DLGAP1: variants seen among roughly 807,000 people sequenced by gnomAD.
DLGAP1 encodes the protein DLG associated protein 1, also known as disks large-associated protein 1.
In DLGAP1, 11 loss-of-function variants were observed where a neutral mutation model predicts 90.8. That is an observed-to-expected ratio of 0.12 (90% CI 0.08 to 0.20). The LOEUF (loss-of-function observed/expected upper bound fraction) is 0.20, where lower values mean the gene tolerates loss of function less well. Among genes scored for constraint, DLGAP1 ranks in the 10% least tolerant of loss-of-function variants. DLGAP1 has a pLI of 1.00. For synonymous variants in DLGAP1, 558 were observed against 540.7 expected, an observed-to-expected ratio of 1.03 and a Z score of -0.44; for missense variants, 1,050 against 1,333.8, an observed-to-expected ratio of 0.79 and a Z score of 3.31.
chr18:3,945,138 C>T (rs1451582909), intron 3 of DLGAP1, among the ~76,000 whole-genome samples: 3 of 152,152 alleles, frequency 2.0e-5, no homozygotes, highest in African/African-American at 7.2e-5. Context: ...TCCAATTTCC[C>T]TCTCTCTAAA....
chr18:3,498,904 GC>G lies in DLGAP1; in HGVS notation c.*280del, dbSNP rs1568077768. ...CTTCTACACAGGTGGGTTTGGCTTT[GC>G]CCAGAAAATAAAGGGTTGGATCTCA... On this transcript the variant is annotated 3_prime_UTR_variant, in exon 13 of 13. Transcript: ENST00000315677. 6.4e-6 allele frequency: 3 copies of G among 467,648 alleles called. No homozygotes were observed. In the Admixed American group the frequency reaches 1.2e-4, roughly 19 times the overall value. The allele number at this position is 467,648 out of a possible 1,614,324, so 29.0% of individuals were successfully genotyped here. A position where few individuals can be genotyped will look rare whatever the true frequency, so the allele number is the denominator to read the frequency against.
chr18:4,436,978 CAAA>C (rs962786077), intron 1 of DLGAP1, among the ~76,000 whole-genome samples: 18 of 152,186 alleles, frequency 1.2e-4, no homozygotes, highest in African/African-American at 4.1e-4. Flanking sequence ...CTTGAAGAAA[CAAA>C]GAAGAAATCT....
intron 11 of DLGAP1, among the ~76,000 whole-genome samples, chr18:3,506,707 C>T (rs1253169587): frequency 7.2e-5 from 11 of 152,082 alleles, no homozygotes; most frequent in Admixed American, 7.2e-4. Context: ...GTATCGTGTA[C>T]ACATGGACTT....
intron 3 of DLGAP1, among the ~76,000 whole-genome samples, chr18:3,901,031 G>A (rs1334719253): frequency 6.6e-6 from 1 of 151,784 alleles, no homozygotes; most frequent in Admixed American, 6.6e-5. Flanking sequence ...GGACCCTTGC[G>A]CAGCTTGACA....
At chr18:4,106,016 A>G (rs1279419448) in intron 2 of DLGAP1, among the ~76,000 whole-genome samples, 1 of 127,898 alleles carries the variant, frequency 7.8e-6, no homozygotes, top group Non-Finnish European at 1.6e-5. Context: ...TGGGCGACAG[A>G]GCGAGGGTCC....
intron 9 of DLGAP1, among the ~76,000 whole-genome samples, chr18:3,560,901 G>C (rs1263495012): frequency 1.3e-5 from 2 of 150,578 alleles, no homozygotes; most frequent in Non-Finnish European, 2.9e-5. Flanking sequence ...TTTGCATTAT[G>C]TATTTACCAC....
intron 7 of DLGAP1, among the ~76,000 whole-genome samples, chr18:3,694,636 GAT>G (rs1217815879): frequency 6.6e-6 from 1 of 152,220 alleles, no homozygotes; most frequent in African/African-American, 2.4e-5. Flanking sequence ...AATGACAAGT[GAT>G]GATGAACATT....
chr18:3,890,791 T>TAATC (rs2071439558), intron 3 of DLGAP1, among the ~76,000 whole-genome samples: 1 of 152,220 alleles, frequency 6.6e-6, no homozygotes, highest in South Asian at 2.1e-4. Context: ...TGCATTGGCA[T>TAATC]AATCATGGCT....
At chr18:3,560,514 C>T (rs577461401) in intron 9 of DLGAP1, among the ~76,000 whole-genome samples, 7 of 138,588 alleles carry the variant, frequency 5.1e-5, no homozygotes, top group Non-Finnish European at 1.1e-4. Flanking sequence ...TTCTTGAACC[C>T]GGGAGGCAGA....
In DLGAP1 at chr18:3,704,159, G is replaced by A. The variant is rs114136547; in HGVS notation, c.1591+24976C>T. Among the ~76,000 whole-genome samples the A allele has an allele frequency of 3.5e-3, 529 of 152,308 alleles. 2 individuals are homozygous for A. Among genetic ancestry groups the A allele is most frequent in the African/African-American group, 0.011 (444 of 41,564 alleles). On this transcript the variant is annotated intron_variant, in intron 7 of 12. Transcript: ENST00000315677. ...TAGGAGGATGCTCTGCGGGGCCCAC[G>A]GGAAGGGCTGAGTGCCACATGCCAG...
chr18:4,370,383 G>T (rs1234646192), intron 1 of DLGAP1, among the ~76,000 whole-genome samples: 1 of 152,184 alleles, frequency 6.6e-6, no homozygotes, highest in Non-Finnish European at 1.5e-5. Flanking sequence ...CATGAAAGAA[G>T]TCAAGGTGGA....
At chr18:3,846,059 T>C (rs2068994979) in intron 4 of DLGAP1, among the ~76,000 whole-genome samples, 2 of 151,596 alleles carry the variant, frequency 1.3e-5, no homozygotes, top group African/African-American at 4.9e-5. Flanking sequence ...TGTGTGTGTG[T>C]GTGTGTGTGT....
At chr18:4,212,840 T>G (rs905096202) in intron 1 of DLGAP1, among the ~76,000 whole-genome samples, 1 of 152,080 alleles carries the variant, frequency 6.6e-6, no homozygotes, top group Non-Finnish European at 1.5e-5. Flanking sequence ...TTTACCAATT[T>G]TAATCATTCA....
intron 2 of DLGAP1, among the ~76,000 whole-genome samples, chr18:4,112,112 C>T (rs1007951638): frequency 1.3e-5 from 2 of 151,944 alleles, no homozygotes; most frequent in Non-Finnish European, 2.9e-5. Context: ...ACAATCCATA[C>T]ATTTTGGTAC....
intron 1 of DLGAP1, among the ~76,000 whole-genome samples, chr18:4,166,335 C>T (rs1422427839): frequency 6.6e-6 from 1 of 151,878 alleles, no homozygotes; most frequent in Non-Finnish European, 1.5e-5. Context: ...TACTTCATAC[C>T]CATTAGGTTG....
At chr18:4,033,719 A>G (rs2074837248) in intron 2 of DLGAP1, among the ~76,000 whole-genome samples, 1 of 150,308 alleles carries the variant, frequency 6.7e-6, no homozygotes, top group African/African-American at 2.4e-5. Flanking sequence ...CACTTCCCTG[A>G]TTACCACTGA....
intron 1 of DLGAP1, among the ~76,000 whole-genome samples, chr18:4,287,207 C>T (rs2079720874): frequency 6.6e-6 from 1 of 152,082 alleles, no homozygotes; most frequent in Non-Finnish European, 1.5e-5. Context: ...TTATCAAAAG[C>T]ACAATGAGAT....
chr18:4,311,022 C>CT, intron 1 of DLGAP1, among the ~76,000 whole-genome samples: 1 of 152,256 alleles, frequency 6.6e-6, no homozygotes, highest in Non-Finnish European at 1.5e-5. Flanking sequence ...TCTATGCTTG[C>CT]ATGTAAAGGA....
Position 3,653,141 on chromosome 18 carries a change from C to T in DLGAP1, c.1592-70893G>A, listed in dbSNP as rs2059370895. On this transcript the variant is annotated intron_variant, in intron 7 of 12. Transcript: ENST00000315677. This position sits in a 1 kb window ranked among gnomAD's most constrained non-coding sequence, Gnocchi z 4.6. ...AAATATGTAGACCTAACATCTATCTCCCTGCTCCAGTTTCAAGAGAAAAGA... is the reference window on the plus strand; with the variant it reads ...AAATATGTAGACCTAACATCTATCTTCCTGCTCCAGTTTCAAGAGAAAAGA... Among the ~76,000 whole-genome samples the T allele has an allele frequency of 6.6e-6, 1 of 152,180 alleles. No individual in the cohort carries two copies. The highest frequency in any genetic ancestry group is 2.4e-5 in the African/African-American group (1 of 41,450).
Sources: allele counts gnomAD v4.1 joint callset (sites outside exome capture counted in the v4.1 genomes callset), GRCh38; gene constraint gnomAD v4.1.1; non-coding constraint Gnocchi (gnomAD v3.1); transcripts MANE v1.5; gene names NCBI Gene and HGNC (gene_info 2026-07-23, HGNC 2026-07-21).